FRMPD4: variants seen among roughly 807,000 people sequenced by gnomAD.
FRMPD4 encodes the protein FERM and PDZ domain containing 4, also known as FERM and PDZ domain-containing protein 4.
A neutral mutation model predicts 94.1 loss-of-function variants in FRMPD4; 22 were observed. The observed-to-expected ratio is 0.23, with a 90% CI of 0.17 to 0.33. The LOEUF (loss-of-function observed/expected upper bound fraction) is 0.33. Ranked by LOEUF, FRMPD4 falls within the 10% of genes least tolerant of loss-of-function variation. FRMPD4 has a pLI of 1.00. For missense variants in FRMPD4, 1,111 were observed against 1,339.9 expected, an observed-to-expected ratio of 0.83 and a Z score of 2.67; for synonymous variants, 631 against 548.6, an observed-to-expected ratio of 1.15 and a Z score of -2.10.
intron 1 of FRMPD4, among the ~76,000 whole-genome samples, chrX:12,301,600 A>G (rs372893382): frequency 8.9e-6 from 1 of 112,295 alleles, no homozygotes; most frequent in Non-Finnish European, 1.9e-5. Flanking sequence ...TGCATTTTCT[A>G]TGTTCCTTTG....
intron 3 of FRMPD4, among the ~76,000 whole-genome samples, chrX:12,034,076 A>T (rs993008860): frequency 1.8e-5 from 2 of 112,473 alleles, no homozygotes; most frequent in East Asian, 5.6e-4. Context: ...CCGTAGATTT[A>T]TTTCCCAACC....
intron 1 of FRMPD4, among the ~76,000 whole-genome samples, chrX:12,333,694 C>T (rs929122421): frequency 8.9e-6 from 1 of 111,759 alleles, no homozygotes; most frequent in Non-Finnish European, 1.9e-5. Flanking sequence ...GAATCATGAT[C>T]TTCCCTTGCT....
intron 3 of FRMPD4, among the ~76,000 whole-genome samples, chrX:12,083,384 G>A (rs761779136): frequency 1.4e-4 from 16 of 112,937 alleles, no homozygotes; most frequent in Admixed American, 1.2e-3. Context: ...GGGAACCTCC[G>A]CCTAGATTTC....
chrX:12,434,596 A>G (rs1569274580), intron 1 of FRMPD4, among the ~76,000 whole-genome samples: 2 of 112,633 alleles, frequency 1.8e-5, no homozygotes, highest in Admixed American at 9.4e-5. Flanking sequence ...CCTTTCTTCA[A>G]CCAGCCTCTG....
intron 2 of FRMPD4, among the ~76,000 whole-genome samples, chrX:12,547,543 T>A (rs1449120165): frequency 1.8e-5 from 2 of 112,550 alleles, no homozygotes; most frequent in Admixed American, 1.9e-4. Flanking sequence ...CAGCTACTCT[T>A]ATTCCCATAC....
intron 1 of FRMPD4, among the ~76,000 whole-genome samples, chrX:12,284,527 A>T (rs1472237857): frequency 8.9e-6 from 1 of 111,779 alleles, no homozygotes; most frequent in Non-Finnish European, 1.9e-5. Context: ...GGGGTTAGGA[A>T]AGCTGAAATA....
chrX:12,081,923 C>T (rs1216634772), intron 3 of FRMPD4, among the ~76,000 whole-genome samples: 2 of 112,069 alleles, frequency 1.8e-5, no homozygotes. Flanking sequence ...TTGAAATTAT[C>T]TGATGTAGCC....
intron 1 of FRMPD4, among the ~76,000 whole-genome samples, chrX:11,854,301 T>C (rs1306223338): frequency 9.0e-6 from 1 of 111,379 alleles, no homozygotes; most frequent in Non-Finnish European, 1.9e-5. Context: ...GAGATTTGGG[T>C]GGGGACACAG....
intron 2 of FRMPD4, among the ~76,000 whole-genome samples, chrX:11,872,560 G>A (rs2053761190): frequency 8.9e-6 from 1 of 111,882 alleles, no homozygotes. Context: ...AAAACAAAGG[G>A]AAAAAGAAAG....
intron 1 of FRMPD4, among the ~76,000 whole-genome samples, chrX:12,360,975 C>T (rs867649637): frequency 6.1e-5 from 5 of 82,077 alleles, no homozygotes; most frequent in Admixed American, 5.2e-4. Flanking sequence ...AAAAAAAAAA[C>T]GGTAAGTATT....
chrX:12,661,636 T>C (rs562719070), intron 4 of FRMPD4, among the ~76,000 whole-genome samples: 83 of 112,131 alleles, frequency 7.4e-4, no homozygotes, highest in African/African-American at 2.6e-3. Flanking sequence ...TCAGCGGCAA[T>C]GAGCAGAGTG....
chrX:12,101,265 A>G (rs1025851623), intron 3 of FRMPD4, among the ~76,000 whole-genome samples: 8 of 111,403 alleles, frequency 7.2e-5, no homozygotes, highest in African/African-American at 2.6e-4. Context: ...GACTTCCAGT[A>G]TCTGGGAGTG....
chrX:12,042,186 CA>C (rs2054759677), intron 3 of FRMPD4, among the ~76,000 whole-genome samples: 2 of 109,073 alleles, frequency 1.8e-5, no homozygotes, highest in South Asian at 7.7e-4. Flanking sequence ...CCAACATCTA[CA>C]CTCATTTAAA....
At chrX:12,628,925 C>T (rs7888298) in intron 4 of FRMPD4, among the ~76,000 whole-genome samples, 42 of 112,550 alleles carry the variant, frequency 3.7e-4, no homozygotes, top group African/African-American at 1.4e-3. Context: ...GCCTCACAAT[C>T]ATGGCAGAAG....
Position 11,915,642 on chromosome X carries a change from T to C in FRMPD4, c.95+37624T>C, listed in dbSNP as rs184425093. On this transcript the variant is annotated intron_variant, in intron 3 of 18. Coordinates refer to the FRMPD4 transcript ENST00000640291. Reference sequence around the variant, plus strand: ...TACTGGTCATATGACAAGTTTTCAATAGCCATATGTTGTAGTGACTACCAT... The same window carrying C: ...TACTGGTCATATGACAAGTTTTCAACAGCCATATGTTGTAGTGACTACCAT... Among the ~76,000 whole-genome samples, 4 of 112,505 alleles carry C rather than the reference T, an allele frequency of 3.6e-5. No individual in the cohort carries two copies. In the East Asian group the frequency reaches 1.1e-3, roughly 31 times the overall value.
At chrX:12,623,207 G>A (rs762236211) in intron 4 of FRMPD4, among the ~76,000 whole-genome samples, 219 of 5,103 alleles carry the variant, frequency 0.043, 21 homozygotes, top group Middle Eastern at 0.091. Context: ...AGAAAGAAAG[G>A]AAGGAAGGAA....
chrX:12,161,163 CTT>C (rs5901463), intron 1 of FRMPD4, among the ~76,000 whole-genome samples: 19 of 101,778 alleles, frequency 1.9e-4, no homozygotes, highest in Non-Finnish European at 3.4e-4. Context: ...GTCCCAAGAA[CTT>C]TTTTTTTTTT....
Position 12,718,587 on chromosome X carries a change from A to G in FRMPD4, c.3761A>G (p.Lys1254Arg). ...CACTTGATTCCTGACGCTTCTGGGA[A>G]AGGCGTGAATTACATTCCTTCAGAG... Reference protein sequence around the residue: ...GKHLIPDASGKGVNYIPSEER... With the variant: ...GKHLIPDASGRGVNYIPSEER... The change falls in exon 16 of 17, where the codon AAA becomes AGA. Residue 1254 changes from lysine to arginine, a missense_variant. Lys to Arg is a conservative substitution (Grantham distance 26). Coordinates refer to ENST00000675598, the MANE Select transcript of FRMPD4 (RefSeq NM_001368397.1). 2 of 1,210,395 alleles carry G rather than the reference A, an allele frequency of 1.7e-6. No homozygotes were observed. Among genetic ancestry groups the G allele is most frequent in the Non-Finnish European group, 2.2e-6 (2 of 894,195 alleles).
Position 11,981,603 on chromosome X carries a change from G to T in FRMPD4, c.95+103585G>T, listed in dbSNP as rs747650961. Among the ~76,000 whole-genome samples the T allele has an allele frequency of 1.3e-4, 14 of 111,656 alleles. 1 individual carries two copies. The East Asian group carries it at 3.4e-3, about 27-fold the overall frequency. On this transcript the variant is annotated intron_variant, in intron 3 of 18. Transcript: ENST00000640291. The stretch of plus-strand genomic sequence containing the variant: ...AGCTGTGCTTATATGTACAAGACTT[G>T]ATTTCAATTCTGTCTGACATACTTC...
Sources: allele counts gnomAD v4.1 joint callset (sites outside exome capture counted in the v4.1 genomes callset), GRCh38; gene constraint gnomAD v4.1.1; transcripts MANE v1.5; gene names NCBI Gene and HGNC (gene_info 2026-07-23, HGNC 2026-07-21).